SDCCAG8: variants seen among roughly 807,000 people sequenced by gnomAD.
SDCCAG8 encodes the protein serologically defined colon cancer antigen 8.
SDCCAG8 carries 74 observed loss-of-function variants against 101.8 expected under a neutral mutation model. The ratio of observed to expected loss-of-function variants is 0.73; its 90% CI spans 0.60 to 0.88. The LOEUF is 0.88. SDCCAG8 is among the 40% of genes least tolerant of loss of function. The pLI, the probability that SDCCAG8 is intolerant of heterozygous loss-of-function variation, is 0.00. For synonymous variants in SDCCAG8, 281 were observed against 292.9 expected (o/e 0.96, Z 0.41); for missense variants, 787 against 822.6 (o/e 0.96, Z 0.53).
intron 12 of SDCCAG8, among the ~76,000 whole-genome samples, chr1:243,365,887 A>G (rs189506977): frequency 6.6e-6 from 1 of 152,236 alleles, no homozygotes; most frequent in East Asian, 1.9e-4. Flanking sequence ...TCTGAAGCAT[A>G]TGTAGAAGTA....
At chr1:243,395,691 T>C (rs2078993080) in intron 13 of SDCCAG8, among the ~76,000 whole-genome samples, 1 of 152,164 alleles carries the variant, frequency 6.6e-6, no homozygotes, top group African/African-American at 2.4e-5. Flanking sequence ...TTTCTGTTTT[T>C]AATTTAGCCT....
intron 16 of SDCCAG8, among the ~76,000 whole-genome samples, chr1:243,481,290 A>C (rs1663703635): frequency 6.6e-6 from 1 of 152,168 alleles, no homozygotes; most frequent in Non-Finnish European, 1.5e-5. Context: ...GAGTCTAAGA[A>C]GGAGAGTGAT....
rs117629508 is a variant in SDCCAG8 at position 243,285,257 on chromosome 1, A to T, written c.421-1015A>T. ...TTATGATTTAGATTTTCTACCTCCT[A>T]CAGAGGTTTCTGATTTCCTCCTGTA... On this transcript the variant is annotated intron_variant, in intron 4 of 17. Coordinates refer to ENST00000366541, the MANE Select transcript of SDCCAG8 (RefSeq NM_006642.5). 5.3e-5 allele frequency among the ~76,000 whole-genome samples: 8 copies of T among 152,246 alleles called. No individual in the cohort carries two copies. The East Asian group carries it at 1.5e-3, about 29-fold the overall frequency.
rs575072435 is a variant in SDCCAG8, at chr1:243,343,275, A to G, written c.1357-940A>G. On this transcript the variant is annotated intron_variant, in intron 11 of 17. Transcript: ENST00000366541. ...AGCATAACGGTGAGATAATATATTA[A>G]GAGCCATATATTTGTAAATTAGAAG... Among the ~76,000 whole-genome samples the G allele has an allele frequency of 2.0e-5, 3 of 152,358 alleles. No individual in the cohort carries two copies. In the South Asian group the frequency reaches 6.2e-4, roughly 32 times the overall value.
At chr1:243,403,391 A>G (rs917403922) in intron 13 of SDCCAG8, among the ~76,000 whole-genome samples, 3 of 152,220 alleles carry the variant, frequency 2.0e-5, no homozygotes, top group Non-Finnish European at 4.4e-5. Flanking sequence ...TTGAGTAGTC[A>G]TCTTCTAGGA....
chr1:243,261,011 G>A (rs2067155121), intron 1 of SDCCAG8, among the ~76,000 whole-genome samples: 1 of 152,176 alleles, frequency 6.6e-6, no homozygotes, highest in African/African-American at 2.4e-5. Context: ...GTTTGGACTG[G>A]ATGTGAGAAT....
At chr1:243,483,422 A>G (rs1334151591) in intron 16 of SDCCAG8, among the ~76,000 whole-genome samples, 2 of 149,762 alleles carry the variant, frequency 1.3e-5, no homozygotes, top group African/African-American at 4.9e-5. Context: ...TCCCGCCTCC[A>G]CTCTTGCCTC....
intron 11 of SDCCAG8, among the ~76,000 whole-genome samples, chr1:243,341,717 TTGTC>T (rs2147783993): frequency 1.3e-5 from 2 of 152,328 alleles, no homozygotes; most frequent in East Asian, 1.9e-4. Context: ...AAATACTACA[TTGTC>T]TGTGCTATGG....
chr1:243,329,531 G>A (rs1458003117), intron 9 of SDCCAG8, among the ~76,000 whole-genome samples: 1 of 152,162 alleles, frequency 6.6e-6, no homozygotes, highest in Non-Finnish European at 1.5e-5. Context: ...CAGCATGTAA[G>A]TCACATGAGA....
At chr1:243,269,621 G>A (rs1361853336) in intron 1 of SDCCAG8, among the ~76,000 whole-genome samples, 1 of 151,988 alleles carries the variant, frequency 6.6e-6, no homozygotes, top group Non-Finnish European at 1.5e-5. Context: ...TCTTGGTGGG[G>A]GAGGGATTTC....
chr1:243,304,668 T>C (rs762469561), intron 6 of SDCCAG8, 45 bp from the exon 7 acceptor site: 1 of 1,043,536 alleles, frequency 9.6e-7, no homozygotes, highest in South Asian at 1.3e-5. Flanking sequence ...ACTTATAAAA[T>C]ACAGGACATA....
chr1:243,360,384 G>A (rs1293718263), intron 12 of SDCCAG8, among the ~76,000 whole-genome samples: 1 of 151,796 alleles, frequency 6.6e-6, no homozygotes, highest in East Asian at 2.0e-4. Context: ...GATCTCTTGA[G>A]CTTGTGATCT....
chr1:243,498,566 G>GAA (rs1668646323), intron 17 of SDCCAG8, among the ~76,000 whole-genome samples: 1 of 152,224 alleles, frequency 6.6e-6, no homozygotes, highest in Non-Finnish European at 1.5e-5. Context: ...ACCTGTTCAA[G>GAA]AAAAAGTTGT....
chr1:243,459,862 C>T (rs762594083), intron 16 of SDCCAG8, among the ~76,000 whole-genome samples: 3 of 152,126 alleles, frequency 2.0e-5, no homozygotes, highest in South Asian at 4.1e-4. Context: ...GCCCAGGCCT[C>T]GAGAAGCTAG....
Position 243,341,020 on chromosome 1 carries a change from C to G in SDCCAG8, c.1222-19C>G. The G allele has an allele frequency of 6.2e-7, 1 of 1,611,240 alleles. No individual in the cohort carries two copies. Among genetic ancestry groups the G allele is most frequent in the South Asian group, 1.1e-5 (1 of 91,024 alleles). ...TGTCAAATGACATTATTGTTTAGGA[C>G]TTTTATTTTCCCTTACAGATGTTGA... On this transcript the variant is annotated intron_variant, in intron 10 of 17. Transcript: ENST00000366541.
intron 4 of SDCCAG8, among the ~76,000 whole-genome samples, 158 bp downstream of exon 4, chr1:243,274,814 G>A (rs992847109): frequency 4.6e-5 from 7 of 152,174 alleles, no homozygotes; most frequent in Admixed American, 3.9e-4. Flanking sequence ...ACAAGAGCTT[G>A]TCAGACTTGG....
At chr1:243,454,352 G>T (rs1250864346) in intron 16 of SDCCAG8, among the ~76,000 whole-genome samples, 1 of 152,082 alleles carries the variant, frequency 6.6e-6, no homozygotes, top group Non-Finnish European at 1.5e-5. Context: ...ATTTCCACAG[G>T]CCTAAAATCA....
intron 13 of SDCCAG8, among the ~76,000 whole-genome samples, chr1:243,404,169 T>A (rs1238221895): frequency 2.0e-5 from 3 of 152,220 alleles, no homozygotes; most frequent in African/African-American, 7.2e-5. Context: ...ATTTTAGGAT[T>A]TCAGTTGCTT....
intron 16 of SDCCAG8, chr1:243,487,995 A>G (rs1462690781): frequency 6.6e-6 from 1 of 152,464 alleles, no homozygotes; most frequent in Non-Finnish European, 1.5e-5. Flanking sequence ...CCGTGGGGAA[A>G]TGGGAGGGTG....
Sources: gnomAD v4.1 joint callset for allele counts (sites outside exome capture counted in the v4.1 genomes callset) on GRCh38, gnomAD v4.1.1 for gene constraint, MANE v1.5 for transcripts, NCBI Gene and HGNC (gene_info 2026-07-23, HGNC 2026-07-21) for gene names.